The following PTPRQ variants were observed in gnomAD, a reference collection of about 807,000 sequenced individuals.
The protein encoded by PTPRQ is phosphatidylinositol phosphatase PTPRQ.
PTPRQ carries 199 observed loss-of-function variants against 246.0 expected under a neutral mutation model. The ratio of observed to expected loss-of-function variants is 0.81; its 90% CI spans 0.72 to 0.91. The LOEUF (loss-of-function observed/expected upper bound fraction) is 0.91, where lower values mean the gene tolerates loss of function less well. Among genes scored for constraint, PTPRQ ranks in the 40% least tolerant of loss-of-function variants. PTPRQ has a pLI of 0.00. For synonymous variants in PTPRQ, 869 were observed against 853.2 expected, an observed-to-expected ratio of 1.02 and a Z score of -0.32; for missense variants, 2,624 against 2,528.4, an observed-to-expected ratio of 1.04 and a Z score of -0.81.
In PTPRQ at chr12:80,620,045, G is replaced by C. The variant is rs1898918487; in HGVS notation, c.5390-109G>C. 1.4e-5 allele frequency: 18 copies of C among 1,319,550 alleles called. 1 individual carries two copies. In the South Asian group the frequency reaches 2.6e-4, roughly 19 times the overall value. The allele number at this position is 1,319,550 out of a possible 1,614,324, so 81.7% of individuals were successfully genotyped here. On this transcript the variant is annotated intron_variant, in intron 31 of 44. Transcript: ENST00000644991. ...ATCACTTGAATTATCTCTGGTGACT[G>C]ATGTTGCATCGAGAGTCCCCTTATA...
chr12:80,561,963 T>G lies in PTPRQ; in HGVS notation c.4285+12229T>G, dbSNP rs182506531. 3.4e-4 allele frequency among the ~76,000 whole-genome samples: 52 copies of G among 152,338 alleles called. 1 individual carries two copies. Among genetic ancestry groups the G allele is most frequent in the African/African-American group, 1.2e-3 (49 of 41,590 alleles). ...AAATTACCCTTTACTTGTATTTTTC[T>G]GAGAATTTTTATCTTAAATGGGGGT... On this transcript the variant is annotated intron_variant, in intron 25 of 44. Transcript: ENST00000644991.
In PTPRQ at chr12:80,619,380, A is replaced by G. The variant is rs1159586802; in HGVS notation, c.5231-4A>G. 6.5e-7 allele frequency: 1 copy of G among 1,546,150 alleles called. No individual in the cohort carries two copies. The highest frequency in any genetic ancestry group is 8.7e-7 in the Non-Finnish European group (1 of 1,143,758). On this transcript the variant is annotated splice_polypyrimidine_tract_variant and splice_region_variant and intron_variant, in intron 30 of 44. Transcript: ENST00000644991. ...TTGCAGTGATATTTCTTCTTTGTTT[A>G]TAGCTCCAGCACGACCAAAAACCAA...
intron 17 of PTPRQ, among the ~76,000 whole-genome samples, chr12:80,527,472 C>A (rs1379761353): frequency 6.6e-6 from 1 of 151,848 alleles, no homozygotes; most frequent in Non-Finnish European, 1.5e-5. Context: ...AGTTCTCAAG[C>A]AGACAGGGAA....
chr12:80,549,503 A>G lies in PTPRQ; in HGVS notation c.4054A>G (p.Ser1352Gly). ...GCAGAATATGCAGTGCATGGCAACTAGCTGGCAGTCAGTTTTAGTGAAATG... is the reference window on the plus strand; with the variant it reads ...GCAGAATATGCAGTGCATGGCAACTGGCTGGCAGTCAGTTTTAGTGAAATG... ...VVQNMQCMAT[S>G]WQSVLVKWDP... Residue 1352 changes from serine (S) to glycine (G), a missense_variant, in exon 25 of 45, where the codon AGC (serine) becomes GGC (glycine). By Grantham distance (56) the Ser-to-Gly change is moderately conservative. Coordinates refer to ENST00000644991, the MANE Select transcript of PTPRQ (RefSeq NM_001145026.2). The G allele has an allele frequency of 6.4e-7, 1 of 1,550,932 alleles. No homozygotes were observed. The highest frequency in any genetic ancestry group is 8.7e-7 in the Non-Finnish European group (1 of 1,146,470).
chr12:80,651,753 T>C (rs1347789755), intron 37 of PTPRQ, among the ~76,000 whole-genome samples: 1 of 152,104 alleles, frequency 6.6e-6, no homozygotes, highest in Admixed American at 6.6e-5. Flanking sequence ...TTCTCCCTTC[T>C]TTATGTATTT....
chr12:80,530,191 T>G (rs1470667781), intron 17 of PTPRQ, among the ~76,000 whole-genome samples: 1 of 152,162 alleles, frequency 6.6e-6, no homozygotes, highest in Non-Finnish European at 1.5e-5. Context: ...CCTTATTCTC[T>G]TTTTTTATAC....
chr12:80,493,195 G>T, intron 9 of PTPRQ, 80 bp from the exon 10 acceptor site: 1 of 1,331,004 alleles, frequency 7.5e-7, no homozygotes, highest in Middle Eastern at 2.6e-4. Context: ...CAAAGTTATA[G>T]GTTTTTTAGA....
chr12:80,517,465 G>A (rs1895339993), intron 17 of PTPRQ, among the ~76,000 whole-genome samples: 1 of 151,618 alleles, frequency 6.6e-6, no homozygotes, highest in South Asian at 2.1e-4. Context: ...TGGAAAATGG[G>A]GTATCCATCC....
chr12:80,495,862 G>A (rs1197311736), intron 12 of PTPRQ, 137 bp from the exon 13 acceptor site: 4 of 1,034,928 alleles, frequency 3.9e-6, no homozygotes, highest in Non-Finnish European at 4.1e-6. Context: ...AGAATTTGAG[G>A]AGACTGCAAT....
chr12:80,505,693 G>A (rs1894934770), intron 14 of PTPRQ, among the ~76,000 whole-genome samples: 1 of 151,770 alleles, frequency 6.6e-6, no homozygotes, highest in African/African-American at 2.4e-5. Context: ...GTAGAATCAA[G>A]TTTTAAATGT....
intron 35 of PTPRQ, among the ~76,000 whole-genome samples, chr12:80,639,665 A>T (rs1173588891): frequency 6.6e-6 from 1 of 152,226 alleles, no homozygotes; most frequent in Non-Finnish European, 1.5e-5. Flanking sequence ...CTTCAGGAAG[A>T]TTACTGCTTA....
intron 28 of PTPRQ, among the ~76,000 whole-genome samples, chr12:80,612,760 A>C (rs1038117282): frequency 5.3e-5 from 8 of 150,478 alleles, no homozygotes; most frequent in Non-Finnish European, 1.0e-4. Context: ...TATTAGTAAT[A>C]ATGAAAACTG....
chr12:80,533,519 T>C (rs1291312171), intron 17 of PTPRQ, among the ~76,000 whole-genome samples: 1 of 152,028 alleles, frequency 6.6e-6, no homozygotes, highest in East Asian at 1.9e-4. Flanking sequence ...CCCACAGCCT[T>C]GTTATTTTAC....
chr12:80,675,295 C>A (rs546104222), intron 43 of PTPRQ, among the ~76,000 whole-genome samples: 2 of 152,264 alleles, frequency 1.3e-5, no homozygotes, highest in Non-Finnish European at 2.9e-5. Context: ...TGTAGTGGAA[C>A]TTTACATTTT....
At chr12:80,639,659 A>G (rs1757763067) in intron 35 of PTPRQ, among the ~76,000 whole-genome samples, 2 of 152,222 alleles carry the variant, frequency 1.3e-5, no homozygotes. Context: ...TTATGTCTTC[A>G]GGAAGATTAC....
intron 25 of PTPRQ, among the ~76,000 whole-genome samples, chr12:80,570,017 A>G (rs1897098467): frequency 6.6e-6 from 1 of 152,108 alleles, no homozygotes; most frequent in South Asian, 2.1e-4. Context: ...AGTCTTTGCT[A>G]TTGTGAATAG....
chr12:80,572,605 A>C (rs948320415), intron 25 of PTPRQ, among the ~76,000 whole-genome samples: 2 of 152,140 alleles, frequency 1.3e-5, no homozygotes, highest in Admixed American at 1.3e-4. Flanking sequence ...TTCAGGGAGA[A>C]GGATTAGTTT....
At chr12:80,525,567 A>G (rs1000075603) in intron 17 of PTPRQ, among the ~76,000 whole-genome samples, 3 of 151,926 alleles carry the variant, frequency 2.0e-5, no homozygotes, top group African/African-American at 7.3e-5. Context: ...TGTTTTCTCC[A>G]GGAGTGTGAT....
At chr12:80,537,361 T>A (rs1896018394) in intron 19 of PTPRQ, among the ~76,000 whole-genome samples, 1 of 152,202 alleles carries the variant, frequency 6.6e-6, no homozygotes, top group African/African-American at 2.4e-5. Flanking sequence ...TACAGAACTT[T>A]GTAGAATATG....
Sources: allele counts gnomAD v4.1 joint callset (sites outside exome capture counted in the v4.1 genomes callset), GRCh38; gene constraint gnomAD v4.1.1; transcripts MANE v1.5; gene names NCBI Gene and HGNC (gene_info 2026-07-23, HGNC 2026-07-21).